Variants in CRYL1 observed in about 807,000 individuals in gnomAD.
The protein encoded by CRYL1 is lambda-crystallin homolog.
Under a neutral mutation model 36.6 loss-of-function variants are expected in CRYL1, and 29 were observed. That is an observed-to-expected ratio of 0.79 (90% CI 0.59 to 1.08). CRYL1 has a LOEUF of 1.08. Ranked by LOEUF, CRYL1 falls within the 50% of genes least tolerant of loss-of-function variation. The probability of loss-of-function intolerance (pLI) is 0.00; values close to 1 mark genes in which losing one functional copy is unlikely to be tolerated. For synonymous variants in CRYL1, 152 were observed against 151.5 expected (o/e 1.00, Z -0.02); for missense variants, 411 against 407.9 (o/e 1.01, Z -0.06).
intron 3 of CRYL1, among the ~76,000 whole-genome samples, chr13:20,449,653 G>A (rs749575267): frequency 3.3e-5 from 5 of 151,654 alleles, no homozygotes; most frequent in African/African-American, 4.8e-5. Flanking sequence ...AGAAGTAATC[G>A]AATTTATTCA....
intron 5 of CRYL1, among the ~76,000 whole-genome samples, chr13:20,423,490 G>A (rs550990521): frequency 7.2e-5 from 11 of 152,154 alleles, no homozygotes; most frequent in South Asian, 6.2e-4. Context: ...GAATGTTGTC[G>A]TGTGCTTTTT....
chr13:20,426,703 G>T (rs2031941525), intron 5 of CRYL1: 1 of 985,360 alleles, frequency 1.0e-6, no homozygotes, highest in Non-Finnish European at 1.2e-6. Flanking sequence ...AGCCTCATCT[G>T]TCAATTTTAC....
In CRYL1 at chr13:20,404,201, A is replaced by G; in HGVS notation, c.888T>C (p.Ala296=). ...ACTCGTCCCTCCACTGCCTCCTGGC[A>G]GCTAAGTGCTCCGGGTCATCAGGGA... The part of the protein sequence containing the change: ...MKVPDDPEHL[A]ARRQWRDECL... Residue 296 remains alanine (A), a synonymous_variant, in exon 8 of 8, where the codon GCT becomes GCC. Coordinates refer to ENST00000298248, the MANE Select transcript of CRYL1 (RefSeq NM_015974.3). 1.9e-6 allele frequency: 3 copies of G among 1,614,076 alleles called. No individual in the cohort carries two copies. Among genetic ancestry groups the G allele is most frequent in the Non-Finnish European group, 2.5e-6 (3 of 1,179,932 alleles).
intron 4 of CRYL1, among the ~76,000 whole-genome samples, chr13:20,434,593 ACACCCACACGCGCCCCCC>A (rs1283084681): frequency 3.8e-4 from 13 of 34,048 alleles, no homozygotes; most frequent in African/African-American, 1.4e-3. Context: ...CCGCCCACCC[ACACCCACACGCGCCCCCC>A]CACCCACACC....
intron 2 of CRYL1, among the ~76,000 whole-genome samples, chr13:20,501,998 G>A (rs1344396331): frequency 6.6e-6 from 1 of 152,182 alleles, no homozygotes; most frequent in Non-Finnish European, 1.5e-5. Context: ...TAACAATCAT[G>A]GCAGGTGTTT....
chr13:20,420,701 T>TTTTTTTTTTTTTGTGTGTG lies in CRYL1; in HGVS notation c.634-7315_634-7314insCACACACAAAAAAAAAAAA. ...CTTTGACTTTTCTTTAAAATAGAGG[T>TTTTTTTTTTTTTGTGTGTG]TGTGTGTGTGTGTGTGTGTGTGTGT... is the stretch of plus-strand genomic sequence containing the variant. On this transcript the variant is annotated intron_variant, in intron 5 of 7. Coordinates refer to ENST00000298248, the MANE Select transcript of CRYL1 (RefSeq NM_015974.3). Among the ~76,000 whole-genome samples the TTTTTTTTTTTTTGTGTGTG allele has an allele frequency of 7.1e-3, 156 of 21,864 alleles. 17 individuals are homozygous for TTTTTTTTTTTTTGTGTGTG. The highest frequency in any genetic ancestry group is 0.028 in the Middle Eastern group (1 of 36). The allele number at this position is 21,864 out of a possible 152,430, so 14.3% of individuals were successfully genotyped here.
At chr13:20,438,086 T>G (rs2032272784) in intron 4 of CRYL1, among the ~76,000 whole-genome samples, 1 of 151,930 alleles carries the variant, frequency 6.6e-6, no homozygotes, top group Non-Finnish European at 1.5e-5. Context: ...ATGTGACTGG[T>G]TCTCTTCTAT....
At chr13:20,468,725 C>T (rs2032993551) in intron 3 of CRYL1, among the ~76,000 whole-genome samples, 1 of 152,174 alleles carries the variant, frequency 6.6e-6, no homozygotes, top group South Asian at 2.1e-4. Flanking sequence ...CCTGCCTCAG[C>T]CTCCTGAGTG....
At chr13:20,524,638 A>G (rs2034156172) in intron 1 of CRYL1, among the ~76,000 whole-genome samples, 2 of 152,042 alleles carry the variant, frequency 1.3e-5, no homozygotes, top group African/African-American at 4.8e-5. Flanking sequence ...CGGCCTCCCA[A>G]CGTGCTGGGA....
chr13:20,477,835 A>G, intron 3 of CRYL1, among the ~76,000 whole-genome samples: 1 of 145,612 alleles, frequency 6.9e-6, no homozygotes, highest in East Asian at 1.9e-4. Context: ...AAAATATAAT[A>G]TACTATAGTA....
At chr13:20,444,135 A>C (rs898601889) in intron 3 of CRYL1, among the ~76,000 whole-genome samples, 2 of 152,340 alleles carry the variant, frequency 1.3e-5, no homozygotes, top group African/African-American at 4.8e-5. Context: ...TTTTTAAAAA[A>C]AGAATCTTTT....
intron 6 of CRYL1, among the ~76,000 whole-genome samples, chr13:20,410,358 G>T (rs570530933): frequency 2.2e-4 from 30 of 137,216 alleles, no homozygotes; most frequent in Admixed American, 8.1e-4. Flanking sequence ...ACAGGAAGGG[G>T]AACATCACAC....
intron 5 of CRYL1, among the ~76,000 whole-genome samples, chr13:20,423,444 T>G (rs1040345536): frequency 2.6e-5 from 4 of 152,202 alleles, no homozygotes; most frequent in African/African-American, 9.7e-5. Flanking sequence ...TTCTTCTATA[T>G]CTAATTTGAA....
intron 3 of CRYL1, among the ~76,000 whole-genome samples, chr13:20,482,033 C>T (rs926987694): frequency 3.3e-5 from 5 of 152,152 alleles, no homozygotes; most frequent in Admixed American, 6.6e-5. Flanking sequence ...CCCCCACCCC[C>T]ACACCCATCT....
chr13:20,430,608 C>T, intron 5 of CRYL1: 2 of 985,386 alleles, frequency 2.0e-6, no homozygotes, highest in Non-Finnish European at 2.4e-6. Flanking sequence ...ATGGCTCTTG[C>T]AATGGAGAGT....
At chr13:20,420,700 G>GTT (rs5802072) in intron 5 of CRYL1, among the ~76,000 whole-genome samples, 5,068 of 36,454 alleles carry the variant, frequency 0.14, 1,483 homozygotes, top group African/African-American at 0.3. Flanking sequence ...TAAAATAGAG[G>GTT]TTGTGTGTGT....
chr13:20,426,089 C>T (rs933960368), intron 5 of CRYL1, among the ~76,000 whole-genome samples: 2 of 152,058 alleles, frequency 1.3e-5, no homozygotes, highest in African/African-American at 4.8e-5. Flanking sequence ...GTGGCTGAGG[C>T]TAAGCATGCA....
chr13:20,508,865 A>G (rs1240234569), intron 2 of CRYL1, among the ~76,000 whole-genome samples: 3 of 48,374 alleles, frequency 6.2e-5, no homozygotes, highest in Non-Finnish European at 1.3e-4. Flanking sequence ...AAAAAAAAAA[A>G]AAAAAAAAAA....
At position 20,439,631 on chromosome 13, in the gene CRYL1, C is replaced by A; in HGVS notation, c.400G>T (p.Gly134Cys). Residue 134 changes from glycine to cysteine, a missense_variant, in exon 4 of 8, where the codon GGC (glycine) becomes TGC (cysteine). Physicochemically the swap from Gly to Cys is radical, Grantham distance 159. Coordinates refer to ENST00000298248, the MANE Select transcript of CRYL1 (RefSeq NM_015974.3). ...SCLMPSKLFA[G>C]LVHVKQCIVA... ...ATGCATTGCTTCACATGGACCAAGC[C>A]AGCAAACAACTTGGAAGGCATGAGA... The A allele has an allele frequency of 6.2e-7, 1 of 1,613,716 alleles. No individual in the cohort carries two copies. Among genetic ancestry groups the A allele is most frequent in the South Asian group, 1.1e-5 (1 of 91,054 alleles).
Sources: gnomAD v4.1 joint callset for allele counts (sites outside exome capture counted in the v4.1 genomes callset) on GRCh38, gnomAD v4.1.1 for gene constraint, MANE v1.5 for transcripts, NCBI Gene and HGNC (gene_info 2026-07-23, HGNC 2026-07-21) for gene names.